Variants in TRPM7 observed in about 807,000 individuals in gnomAD.
The protein encoded by TRPM7 is transient receptor potential cation channel subfamily M member 7.
A neutral mutation model predicts 229.7 loss-of-function variants in TRPM7; 134 were observed. That is an observed-to-expected ratio of 0.58 (90% CI 0.51 to 0.67). The LOEUF (loss-of-function observed/expected upper bound fraction) is 0.67. Ranked by LOEUF, TRPM7 falls within the 30% of genes least tolerant of loss-of-function variation. TRPM7 has a pLI of 0.00. For missense variants in TRPM7, 1,901 were observed against 2,210.0 expected (o/e 0.86, Z 2.80); for synonymous variants, 699 against 715.2 (o/e 0.98, Z 0.36).
intron 8 of TRPM7, 149 bp from the exon 9 acceptor site, chr15:50,633,141 G>A: frequency 1.8e-6 from 1 of 556,338 alleles, no homozygotes; most frequent in Non-Finnish European, 2.8e-6. Flanking sequence ...CTTCCTACAT[G>A]AGACTCCCAA....
chr15:50,628,478 T>C (rs1426477399), intron 10 of TRPM7, among the ~76,000 whole-genome samples: 1 of 152,126 alleles, frequency 6.6e-6, no homozygotes, highest in Non-Finnish European at 1.5e-5. Flanking sequence ...AGCTAATTTT[T>C]TAACTTTTTT....
chr15:50,633,880 T>C (rs1204380917), intron 8 of TRPM7, among the ~76,000 whole-genome samples: 2 of 152,250 alleles, frequency 1.3e-5, no homozygotes, highest in Non-Finnish European at 2.9e-5. Flanking sequence ...GATGGTTTTA[T>C]TTTAATTTGT....
Position 50,596,378 on chromosome 15 carries a change from C to A in TRPM7, c.3167G>T (p.Cys1056Phe). Residue 1056 changes from cysteine to phenylalanine, a missense_variant, in exon 23 of 39, where the codon TGT (cysteine) becomes TTT (phenylalanine). By Grantham distance (205) the Cys-to-Phe change is radical. Transcript: ENST00000646667. ...TTGAGGGATAACAGAATCATTTGCA[C>A]ACACTTTAGAGAGAAAAAAAGAAAA... ...GEVYAYEIDV[C>F]ANDSVIPQIC... 1 of 1,582,780 alleles carries A rather than the reference C, an allele frequency of 6.3e-7. No homozygotes were observed. Among genetic ancestry groups the A allele is most frequent in the Non-Finnish European group, 8.5e-7 (1 of 1,171,220 alleles).
Position 50,575,934 on chromosome 15 carries a change from A to C in TRPM7, c.4619-15T>G. Reference sequence around the variant, plus strand: ...AGAAGTGAGACCTAGAATGGCAAATAAACAAACGAGACCATTTAAAAAGTA... The same window carrying C: ...AGAAGTGAGACCTAGAATGGCAAATCAACAAACGAGACCATTTAAAAAGTA... On this transcript the variant is annotated splice_polypyrimidine_tract_variant and intron_variant, in intron 31 of 38. Coordinates refer to ENST00000646667, the MANE Select transcript of TRPM7 (RefSeq NM_017672.6). 2 of 1,612,420 alleles carry C rather than the reference A, an allele frequency of 1.2e-6. No homozygotes were observed. Among genetic ancestry groups the C allele is most frequent in the Non-Finnish European group, 1.7e-6 (2 of 1,179,340 alleles).
chr15:50,679,225 C>T (rs1281641362), intron 1 of TRPM7, among the ~76,000 whole-genome samples: 3 of 150,840 alleles, frequency 2.0e-5, no homozygotes, highest in African/African-American at 7.3e-5. Context: ...ATTTTAGGTA[C>T]TTGGGAGGCT....
chr15:50,679,264 G>A (rs372279771), intron 1 of TRPM7, among the ~76,000 whole-genome samples: 9 of 151,282 alleles, frequency 5.9e-5, no homozygotes, highest in African/African-American at 2.2e-4. Context: ...GAGCCTAGGA[G>A]GTTGGGAATA....
chr15:50,627,338 G>C (rs910996616), intron 11 of TRPM7, among the ~76,000 whole-genome samples: 22 of 152,088 alleles, frequency 1.4e-4, no homozygotes, highest in African/African-American at 5.3e-4. Flanking sequence ...AGGGTAGACA[G>C]AGGAAGTCCA....
At chr15:50,634,836 A>G (rs1290154637) in intron 7 of TRPM7, among the ~76,000 whole-genome samples, 1 of 152,190 alleles carries the variant, frequency 6.6e-6, no homozygotes, top group African/African-American at 2.4e-5. Flanking sequence ...TAGACAGCAA[A>G]TAATTTATAT....
At chr15:50,570,904 A>G (rs958685340) in intron 36 of TRPM7, among the ~76,000 whole-genome samples, 1 of 151,910 alleles carries the variant, frequency 6.6e-6, no homozygotes, top group Non-Finnish European at 1.5e-5. Context: ...GATTTAAGGG[A>G]AAAAAACCAC....
chr15:50,606,293 C>T (rs2059916362), intron 20 of TRPM7, among the ~76,000 whole-genome samples: 1 of 151,858 alleles, frequency 6.6e-6, no homozygotes, highest in Non-Finnish European at 1.5e-5. Flanking sequence ...GCAGGAGAAT[C>T]GCTTGAACCC....
intron 15 of TRPM7, 87 bp from the exon 16 acceptor site, chr15:50,612,916 C>G: frequency 8.5e-7 from 1 of 1,173,756 alleles, no homozygotes; most frequent in Non-Finnish European, 1.2e-6. Context: ...AATATCTTTA[C>G]ATTATTCAGC....
intron 22 of TRPM7, 140 bp from the exon 23 acceptor site, chr15:50,596,521 G>C (rs1022735189): frequency 8.8e-6 from 6 of 685,146 alleles, no homozygotes; most frequent in Non-Finnish European, 1.3e-5. Flanking sequence ...ACAGATTCCA[G>C]CAAAAGCATC....
intron 38 of TRPM7, among the ~76,000 whole-genome samples, chr15:50,562,191 C>T (rs890521888): frequency 6.6e-6 from 1 of 152,124 alleles, no homozygotes; most frequent in Non-Finnish European, 1.5e-5. Context: ...CCACCATGCC[C>T]GGCTGAATTA....
chr15:50,686,281 T>G (rs2062358732), intron 1 of TRPM7, among the ~76,000 whole-genome samples: 2 of 152,190 alleles, frequency 1.3e-5, no homozygotes, highest in African/African-American at 4.8e-5. Flanking sequence ...AGGCCCTCGC[T>G]GGGAGCCGAG....
chr15:50,583,581 T>TG (rs2054533651), intron 28 of TRPM7, among the ~76,000 whole-genome samples: 2 of 58,758 alleles, frequency 3.4e-5, no homozygotes, highest in South Asian at 1.1e-3. Context: ...TAGAGTTTTG[T>TG]TTTTTTTTTT....
chr15:50,655,000 C>CAAAAA (rs35388005), intron 3 of TRPM7, among the ~76,000 whole-genome samples: 8 of 69,382 alleles, frequency 1.2e-4, no homozygotes, highest in African/African-American at 1.7e-4. Flanking sequence ...CACTCCGTCT[C>CAAAAA]AAAAAAAAAA....
intron 4 of TRPM7, among the ~76,000 whole-genome samples, chr15:50,644,634 C>T (rs781016178): frequency 6.6e-6 from 1 of 151,982 alleles, no homozygotes; most frequent in Non-Finnish European, 1.5e-5. Flanking sequence ...GAAACCCCGT[C>T]TCTACTAAAT....
At chr15:50,581,644 C>T (rs990703490) in intron 29 of TRPM7, among the ~76,000 whole-genome samples, 3 of 151,876 alleles carry the variant, frequency 2.0e-5, no homozygotes, top group African/African-American at 4.8e-5. Context: ...TGTATATGTG[C>T]ATATGGTTTT....
At position 50,639,522 on chromosome 15, in the gene TRPM7, G is replaced by A; in HGVS notation, c.562C>T (p.Leu188Phe). ...TGVAKHVGDA[L>F]KEHASRSSRK... Reference sequence around the variant, plus strand: ...GATGATCTGGAAGCATGTTCTTTGAGGGCATCTCCAACATGTTTTGCCACA... The same window carrying A: ...GATGATCTGGAAGCATGTTCTTTGAAGGCATCTCCAACATGTTTTGCCACA... Residue 188 changes from leucine (L) to phenylalanine (F), a missense_variant, in exon 6 of 39, where the codon CTC (leucine) becomes TTC (phenylalanine). Leu to Phe is a conservative substitution (Grantham distance 22). Around this residue, in one of 8 missense-constraint regions of TRPM7, gnomAD observed 794 missense variants for 881.9 expected, o/e 0.90. Transcript: ENST00000646667. The A allele has an allele frequency of 6.2e-7, 1 of 1,610,474 alleles. No homozygotes were observed. The highest frequency in any genetic ancestry group is 1.1e-5 in the South Asian group (1 of 90,600).
Sources: gnomAD v4.1 joint callset for allele counts (sites outside exome capture counted in the v4.1 genomes callset) on GRCh38, gnomAD v4.1.1 for gene constraint, gnomAD v4.1.1 regional missense constraint, MANE v1.5 for transcripts, NCBI Gene and HGNC (gene_info 2026-07-23, HGNC 2026-07-21) for gene names.